Variants in MLPH observed in about 807,000 individuals in gnomAD.
The protein encoded by MLPH is melanophilin, also known as exophilin-3.
MLPH carries 51 observed loss-of-function variants against 72.1 expected under a neutral mutation model. The observed-to-expected ratio is 0.71, with a 90% CI of 0.56 to 0.89. The LOEUF (loss-of-function observed/expected upper bound fraction) is 0.89, where lower values mean the gene tolerates loss of function less well. MLPH is among the 40% of genes least tolerant of loss of function. The probability of loss-of-function intolerance (pLI) is 0.00; values close to 1 mark genes in which losing one functional copy is unlikely to be tolerated. For synonymous variants in MLPH, 301 were observed against 310.1 expected, an observed-to-expected ratio of 0.97 and a Z score of 0.31; for missense variants, 743 against 759.9, an observed-to-expected ratio of 0.98 and a Z score of 0.26.
chr2:237,540,622 G>A, intron 10 of MLPH, 89 bp downstream of exon 10: 5 of 1,528,556 alleles, frequency 3.3e-6, no homozygotes, highest in Non-Finnish European at 4.4e-6. Context: ...CCTCCCCAGG[G>A]AGGCAGCACC....
intron 13 of MLPH, among the ~76,000 whole-genome samples, chr2:237,548,837 C>T (rs982900342): frequency 7.2e-5 from 11 of 152,196 alleles, no homozygotes; most frequent in African/African-American, 1.4e-4. Context: ...CGCGATCGCA[C>T]CACTGCACTC....
rs1245910937 is a variant in MLPH at position 237,525,822 on chromosome 2, A to C, written c.880+17A>C. ...CTGCACTCGGTAGGTGCCCTTGGCC[A>C]GGGTCTTCCTGATGGGCTCGGCATG... is the stretch of plus-strand genomic sequence containing the variant. On this transcript the variant is annotated intron_variant, in intron 7 of 15. Transcript: ENST00000264605. 1.2e-6 allele frequency: 2 copies of C among 1,608,528 alleles called. No homozygotes were observed. The highest frequency in any genetic ancestry group is 8.5e-7 in the Non-Finnish European group (1 of 1,179,542).
intron 13 of MLPH, 85 bp downstream of exon 13, chr2:237,546,768 G>T (rs962829869): frequency 2.8e-5 from 33 of 1,158,278 alleles, no homozygotes; most frequent in Non-Finnish European, 4.2e-5. Flanking sequence ...AGTCCACGGG[G>T]TGGCAGAGAT....
At chr2:237,533,330 C>T (rs942698908) in intron 8 of MLPH, among the ~76,000 whole-genome samples, 4 of 150,856 alleles carry the variant, frequency 2.7e-5, no homozygotes. Context: ...TTGGAAAAAG[C>T]AGAGAAAGAA....
chr2:237,514,734 A>C (rs547897576), intron 4 of MLPH, among the ~76,000 whole-genome samples: 1 of 152,238 alleles, frequency 6.6e-6, no homozygotes, highest in African/African-American at 2.4e-5. Flanking sequence ...GGGCACCTGC[A>C]GGCCCCTTTA....
intron 2 of MLPH, among the ~76,000 whole-genome samples, chr2:237,508,617 G>A (rs2079826411): frequency 4.6e-5 from 7 of 152,152 alleles, no homozygotes; most frequent in Admixed American, 4.6e-4. Flanking sequence ...AGGATCTTAG[G>A]AACCTCCAGA....
intron 1 of MLPH, among the ~76,000 whole-genome samples, chr2:237,492,564 C>T (rs760716173): frequency 2.0e-5 from 3 of 152,122 alleles, no homozygotes; most frequent in Admixed American, 6.5e-5. Context: ...TAATACACCC[C>T]AGGCATGAGA....
intron 2 of MLPH, among the ~76,000 whole-genome samples, chr2:237,507,584 C>T (rs1367594834): frequency 6.6e-6 from 1 of 152,158 alleles, no homozygotes; most frequent in Non-Finnish European, 1.5e-5. Flanking sequence ...TTCATATGCA[C>T]ACCAAAAGAG....
intron 4 of MLPH, among the ~76,000 whole-genome samples, chr2:237,515,779 G>A (rs1228117394): frequency 6.6e-6 from 1 of 152,134 alleles, no homozygotes; most frequent in African/African-American, 2.4e-5. Context: ...GCCCACTGGT[G>A]CCCATGTCTC....
intron 8 of MLPH, among the ~76,000 whole-genome samples, chr2:237,531,478 A>G (rs990474280): frequency 1.3e-5 from 2 of 152,214 alleles, no homozygotes; most frequent in African/African-American, 4.8e-5. Flanking sequence ...GAGGAGAATC[A>G]AGTTGTCTAT....
chr2:237,516,842 T>TGATA (rs1171592056), intron 4 of MLPH, among the ~76,000 whole-genome samples: 6 of 150,054 alleles, frequency 4.0e-5, no homozygotes, highest in Non-Finnish European at 8.9e-5. Context: ...GATGGATGGA[T>TGATA]GGATGGATGG....
intron 2 of MLPH, among the ~76,000 whole-genome samples, chr2:237,502,857 G>A (rs1483943427): frequency 2.0e-5 from 3 of 152,126 alleles, no homozygotes; most frequent in African/African-American, 7.2e-5. Flanking sequence ...GGTGACTGAT[G>A]CCTGTAACCC....
chr2:237,522,316 G>T (rs1452077933), intron 6 of MLPH, among the ~76,000 whole-genome samples: 3 of 88,182 alleles, frequency 3.4e-5, no homozygotes, highest in Non-Finnish European at 7.0e-5. Flanking sequence ...TGAGACTGGG[G>T]TTGGGCCTTC....
chr2:237,508,611 T>C (rs1322131034), intron 2 of MLPH, among the ~76,000 whole-genome samples: 2 of 152,196 alleles, frequency 1.3e-5, no homozygotes, highest in Non-Finnish European at 2.9e-5. Flanking sequence ...CCCTAAAGGA[T>C]CTTAGGAACC....
chr2:237,496,848 G>A (rs993246249), intron 2 of MLPH, among the ~76,000 whole-genome samples: 43 of 152,244 alleles, frequency 2.8e-4, no homozygotes, highest in African/African-American at 9.9e-4. Context: ...GTGTTAGGTC[G>A]AGAATACTGA....
At position 237,533,390 on chromosome 2, in the gene MLPH, CT is replaced by C. The variant is rs746139615; in HGVS notation, c.1021-1152del. Reference sequence around the variant, plus strand: ...GGAAGTCTCTTCTCTATTTTCTTTTCTTTTTTTTTTTTTTTTTTTTTTGTCA... The same window carrying C: ...GGAAGTCTCTTCTCTATTTTCTTTTCTTTTTTTTTTTTTTTTTTTTTGTCA... On this transcript the variant is annotated intron_variant, in intron 8 of 15. Transcript: ENST00000264605. Among the ~76,000 whole-genome samples the C allele has an allele frequency of 5.8e-3, 630 of 107,986 alleles. 3 individuals are homozygous for C. The highest frequency in any genetic ancestry group is 0.013 in the African/African-American group (342 of 26,560). The allele number at this position is 107,986 out of a possible 152,430, so 70.8% of individuals were successfully genotyped here.
intron 15 of MLPH, 76 bp downstream of exon 15, chr2:237,552,513 T>C: frequency 8.0e-7 from 1 of 1,253,566 alleles, no homozygotes; most frequent in African/African-American, 1.5e-5. Flanking sequence ...AAATTAAGTC[T>C]TCAGAGCAAA....
At chr2:237,530,698 C>T (rs915330738) in intron 8 of MLPH, among the ~76,000 whole-genome samples, 8 of 152,332 alleles carry the variant, frequency 5.3e-5, no homozygotes, top group Middle Eastern at 3.4e-3. Context: ...TGCTTATGGC[C>T]GCGTCACCCA....
At chr2:237,525,978 G>T (rs116619661) in intron 7 of MLPH, among the ~76,000 whole-genome samples, 173 bp downstream of exon 7, 1 of 152,226 alleles carries the variant, frequency 6.6e-6, no homozygotes. Flanking sequence ...GACACCTGCC[G>T]TCCCCGGGAC....
Sources: gnomAD v4.1 joint callset for allele counts (sites outside exome capture counted in the v4.1 genomes callset) on GRCh38, gnomAD v4.1.1 for gene constraint, MANE v1.5 for transcripts, NCBI Gene and HGNC (gene_info 2026-07-23, HGNC 2026-07-21) for gene names.